The following MAPK10 variants were observed in gnomAD, a reference collection of about 807,000 sequenced individuals.
MAPK10 encodes mitogen-activated protein kinase 10.
Under a neutral mutation model 59.3 loss-of-function variants are expected in MAPK10, and 25 were observed. The ratio of observed to expected loss-of-function variants is 0.42; its 90% CI spans 0.31 to 0.59. The LOEUF is 0.59. Among genes scored for constraint, MAPK10 ranks in the 20% least tolerant of loss-of-function variants. The pLI, the probability that MAPK10 is intolerant of heterozygous loss-of-function variation, is 0.15. For synonymous variants in MAPK10, 190 were observed against 200.5 expected, an observed-to-expected ratio of 0.95 and a Z score of 0.44; for missense variants, 351 against 568.9, an observed-to-expected ratio of 0.62 and a Z score of 3.90.
chr4:86,304,387 C>CTTTTTTTT (rs1162506350), intron 2 of MAPK10, among the ~76,000 whole-genome samples: 6 of 112,562 alleles, frequency 5.3e-5, no homozygotes, highest in Admixed American at 9.4e-5. Flanking sequence ...TGGAGTATTT[C>CTTTTTTTT]TTTTTTTTTT....
intron 2 of MAPK10, among the ~76,000 whole-genome samples, chr4:86,354,284 C>T (rs549660425): frequency 6.6e-6 from 1 of 152,206 alleles, no homozygotes; most frequent in African/African-American, 2.4e-5. Context: ...AGGTATCATC[C>T]ATGGTGGTAG....
rs534036308 is a variant in MAPK10 at position 86,021,848 on chromosome 4, G to A, written c.1253-4478C>T. On this transcript the variant is annotated intron_variant, in intron 13 of 13. Coordinates refer to ENST00000641462, the MANE Select transcript of MAPK10 (RefSeq NM_138982.4). ...GTACACCTTCCGCAGCCACTGGCCC[G>A]GGTGCTAAGTCCCTCACTGCCCGGG... 1.1e-3 allele frequency among the ~76,000 whole-genome samples: 169 copies of A among 152,360 alleles called. 1 individual carries two copies. The highest frequency in any genetic ancestry group is 3.9e-3 in the African/African-American group (161 of 41,582).
chr4:86,524,469 G>C lies in MAPK10; in HGVS notation c.-263+69441C>G, dbSNP rs574376740. 2.6e-5 allele frequency among the ~76,000 whole-genome samples: 4 copies of C among 152,188 alleles called. No homozygotes were observed. In the East Asian group the frequency reaches 5.8e-4, roughly 22 times the overall value. On this transcript the variant is annotated intron_variant, in intron 1 of 4. Coordinates refer to the MAPK10 transcript ENST00000502302. ...ACAGTGTGCCCTCAATTCAGTTCTTGCACATGTATTTGTCAGAAAGTTTCT... is the reference window on the plus strand; with the variant it reads ...ACAGTGTGCCCTCAATTCAGTTCTTCCACATGTATTTGTCAGAAAGTTTCT...
At chr4:86,477,667 AG>A (rs1315673682) in intron 1 of MAPK10, among the ~76,000 whole-genome samples, 63 of 142,846 alleles carry the variant, frequency 4.4e-4, no homozygotes, top group African/African-American at 6.4e-4. Context: ...CTCTCCTTAC[AG>A]TTCCCCCATT....
At chr4:86,459,442 C>T (rs1390368333) in intron 1 of MAPK10, among the ~76,000 whole-genome samples, 1 of 152,208 alleles carries the variant, frequency 6.6e-6, no homozygotes, top group Non-Finnish European at 1.5e-5. Flanking sequence ...TAAAAAGATA[C>T]TTGCACACAC....
intron 6 of MAPK10, 166 bp from the exon 7 acceptor site, chr4:86,102,198 A>C: frequency 1.8e-6 from 1 of 548,686 alleles, no homozygotes; most frequent in Non-Finnish European, 3.2e-6. Context: ...TGTTAGCTAT[A>C]CGAACCCTAC....
At chr4:86,434,653 G>A (rs1259677102) in intron 1 of MAPK10, among the ~76,000 whole-genome samples, 1 of 152,200 alleles carries the variant, frequency 6.6e-6, no homozygotes, top group African/African-American at 2.4e-5. Context: ...ACAGTTGCTG[G>A]CAAGGATGTG....
At chr4:86,219,850 G>C (rs995720825) in intron 2 of MAPK10, 1 of 152,064 alleles carries the variant, frequency 6.6e-6, no homozygotes, top group South Asian at 2.1e-4. Flanking sequence ...ATAGTTATGG[G>C]CTGGTAAGAA....
chr4:86,543,779 C>T (rs956580104), intron 1 of MAPK10, among the ~76,000 whole-genome samples: 3 of 151,772 alleles, frequency 2.0e-5, no homozygotes, highest in African/African-American at 7.3e-5. Context: ...AAAACAGGAA[C>T]GGGAATGTTT....
At chr4:86,375,490 G>A (rs921137372) in intron 1 of MAPK10, among the ~76,000 whole-genome samples, 5 of 152,058 alleles carry the variant, frequency 3.3e-5, no homozygotes, top group African/African-American at 1.2e-4. Context: ...GGGTGCCAAG[G>A]CAGGTGGATA....
intron 3 of MAPK10, among the ~76,000 whole-genome samples, chr4:86,168,403 G>T (rs1234806101): frequency 6.6e-6 from 1 of 152,208 alleles, no homozygotes; most frequent in Non-Finnish European, 1.5e-5. Context: ...TGCACCAGGA[G>T]ATTATATCCC....
chr4:86,398,662 A>T (rs540282647), intron 1 of MAPK10, among the ~76,000 whole-genome samples: 19 of 152,264 alleles, frequency 1.2e-4, no homozygotes, highest in South Asian at 4.2e-4. Context: ...TTACAGGGGT[A>T]CATTGCGTGA....
In MAPK10 at chr4:86,404,459, G is replaced by A. The variant is rs542290025; in HGVS notation, c.-122+48571C>T. On this transcript the variant is annotated intron_variant, in intron 1 of 13. Transcript: ENST00000361569. ...TTCATGATTCATTGACTCTCTCTAT[G>A]CTAATGTACTTACCAATGCCTACTG... Among the ~76,000 whole-genome samples the A allele has an allele frequency of 5.3e-5, 8 of 152,228 alleles. No homozygotes were observed. The South Asian group carries it at 1.7e-3, about 32-fold the overall frequency.
intron 2 of MAPK10, among the ~76,000 whole-genome samples, chr4:86,201,950 C>T (rs1405043974): frequency 6.6e-6 from 1 of 151,706 alleles, no homozygotes; most frequent in Non-Finnish European, 1.5e-5. Context: ...TTTTCCTCTC[C>T]AATCCTTTGA....
chr4:86,276,397 T>A (rs2094576017), intron 2 of MAPK10, among the ~76,000 whole-genome samples: 1 of 152,026 alleles, frequency 6.6e-6, no homozygotes, highest in African/African-American at 2.4e-5. Flanking sequence ...ATAGAATCCA[T>A]CTGTACTAGC....
intron 1 of MAPK10, among the ~76,000 whole-genome samples, chr4:86,560,723 A>G (rs1760613352): frequency 6.6e-6 from 1 of 152,222 alleles, no homozygotes; most frequent in South Asian, 2.1e-4. Context: ...AGAGGCAAAA[A>G]CTGTGCAATA....
At chr4:86,402,634 G>GA (rs1743866597) in intron 1 of MAPK10, among the ~76,000 whole-genome samples, 1 of 152,210 alleles carries the variant, frequency 6.6e-6, no homozygotes, top group Non-Finnish European at 1.5e-5. Context: ...ACCCAAGTGA[G>GA]AAAAAATAGG....
intron 1 of MAPK10, among the ~76,000 whole-genome samples, chr4:86,404,457 A>G (rs371112866): frequency 1.4e-4 from 21 of 152,176 alleles, no homozygotes; most frequent in East Asian, 1.2e-3. Flanking sequence ...GACTCTCTCT[A>G]TGCTAATGTA....
intron 1 of MAPK10, among the ~76,000 whole-genome samples, chr4:86,499,631 A>G (rs1378537542): frequency 1.3e-5 from 2 of 152,206 alleles, no homozygotes; most frequent in African/African-American, 4.8e-5. Flanking sequence ...CTTGCTTGCT[A>G]TAGCTAAGAC....
Sources: gnomAD v4.1 joint callset for allele counts (sites outside exome capture counted in the v4.1 genomes callset) on GRCh38, gnomAD v4.1.1 for gene constraint, MANE v1.5 for transcripts, NCBI Gene and HGNC (gene_info 2026-07-23, HGNC 2026-07-21) for gene names.